AMPH: variants seen among roughly 807,000 people sequenced by gnomAD.
AMPH encodes amphiphysin.
A neutral mutation model predicts 99.1 loss-of-function variants in AMPH; 49 were observed. That is an observed-to-expected ratio of 0.49 (90% CI 0.39 to 0.63). AMPH has a LOEUF of 0.63. Among genes scored for constraint, AMPH ranks in the 20% least tolerant of loss-of-function variants. The probability of loss-of-function intolerance (pLI) is 0.00; values close to 1 mark genes in which losing one functional copy is unlikely to be tolerated. For synonymous variants in AMPH, 314 were observed against 317.3 expected (o/e 0.99, Z 0.11); for missense variants, 759 against 863.4 (o/e 0.88, Z 1.52).
intron 1 of AMPH, among the ~76,000 whole-genome samples, chr7:38,627,270 G>A (rs974236233): frequency 2.0e-5 from 3 of 151,818 alleles, no homozygotes; most frequent in Non-Finnish European, 4.4e-5. Context: ...GAGGCCGGGC[G>A]CGGTGGCTCG....
intron 2 of AMPH, among the ~76,000 whole-genome samples, chr7:38,514,640 G>C (rs1789668236): frequency 6.6e-6 from 1 of 152,150 alleles, no homozygotes; most frequent in Admixed American, 6.6e-5. Context: ...GTGGGCTCCT[G>C]GTATTAAAGA....
chr7:38,436,523 C>T lies in AMPH; in HGVS notation c.1018-135G>A, dbSNP rs558865491. On this transcript the variant is annotated intron_variant, in intron 11 of 20. Coordinates refer to ENST00000356264, the MANE Select transcript of AMPH (RefSeq NM_001635.4). The stretch of plus-strand genomic sequence containing the variant: ...AAACACACTTTTATAAGCATGGTGG[C>T]TCACCCATATGCACCCAGTCACTCA... The T allele has an allele frequency of 2.8e-5, 19 of 679,232 alleles. No homozygotes were observed. The African/African-American group carries it at 2.9e-4, about 10-fold the overall frequency. 42.1% of individuals were successfully genotyped at this position (679,232 alleles called of 1,614,324 possible).
At position 38,422,444 on chromosome 7, in the gene AMPH, C is replaced by T. The variant is rs769320049; in HGVS notation, c.1249G>A (p.Asp417Asn). Residue 417 changes from aspartate (D) to asparagine (N), a missense_variant, in exon 16 of 21, where the codon GAC (aspartate) becomes AAC (asparagine). Physicochemically the swap from Asp to Asn is conservative, Grantham distance 23. Coordinates refer to ENST00000356264, the MANE Select transcript of AMPH (RefSeq NM_001635.4). ...ACCAAGTTGCAGATCATACTCTGGT[C>T]TGTCTGCATTGTGAATAATGAAGTA... ...QDTSLFTMQT[D>N]QSMICNLAES... 6.2e-7 allele frequency: 1 copy of T among 1,613,620 alleles called. No individual in the cohort carries two copies. The highest frequency in any genetic ancestry group is 1.1e-5 in the South Asian group (1 of 91,002).
chr7:38,479,444 C>T (rs1052853665), intron 5 of AMPH, among the ~76,000 whole-genome samples: 1 of 151,804 alleles, frequency 6.6e-6, no homozygotes, highest in Admixed American at 6.6e-5. Context: ...TGGAGCTACA[C>T]AGAAAAATGA....
intron 15 of AMPH, among the ~76,000 whole-genome samples, chr7:38,424,476 G>A (rs757771446): frequency 8.5e-5 from 13 of 152,072 alleles, no homozygotes; most frequent in Non-Finnish European, 1.8e-4. Flanking sequence ...AACAAAAAGA[G>A]TTATTGGAAA....
chr7:38,448,309 A>G (rs1464738987), intron 11 of AMPH, among the ~76,000 whole-genome samples: 1 of 152,168 alleles, frequency 6.6e-6, no homozygotes, highest in Non-Finnish European at 1.5e-5. Flanking sequence ...GTTGCCAAGT[A>G]TTTGTTCCAC....
chr7:38,501,385 A>G (rs1445120293), intron 3 of AMPH, among the ~76,000 whole-genome samples: 2 of 152,010 alleles, frequency 1.3e-5, no homozygotes, highest in African/African-American at 4.8e-5. Context: ...GGGTTTTGCC[A>G]TGTTGCCCAG....
intron 17 of AMPH, among the ~76,000 whole-genome samples, chr7:38,394,715 T>C (rs545762973): frequency 5.7e-4 from 87 of 152,260 alleles, no homozygotes; most frequent in African/African-American, 2.0e-3. Flanking sequence ...ACTTCCTTCA[T>C]CTTATGTAAC....
Position 38,473,143 on chromosome 7 carries a change from C to G in AMPH, c.590+2188G>C, listed in dbSNP as rs1787946343. On this transcript the variant is annotated intron_variant, in intron 7 of 20. Coordinates refer to ENST00000356264, the MANE Select transcript of AMPH (RefSeq NM_001635.4). The stretch of plus-strand genomic sequence containing the variant: ...AGGGGTATTATCTCATAATTGAAAG[C>G]CTTGAACACTGTGGTACCCAAGACT... 2.6e-5 allele frequency among the ~76,000 whole-genome samples: 4 copies of G among 152,156 alleles called. No homozygotes were observed. In the South Asian group the frequency reaches 8.3e-4, roughly 31 times the overall value.
intron 18 of AMPH, among the ~76,000 whole-genome samples, chr7:38,392,892 C>T (rs1314029929): frequency 2.0e-5 from 3 of 152,172 alleles, no homozygotes; most frequent in East Asian, 3.9e-4. Flanking sequence ...CTGCTGTGGC[C>T]GCTGGAGGGA....
intron 1 of AMPH, among the ~76,000 whole-genome samples, chr7:38,544,549 G>C (rs1406358903): frequency 6.6e-6 from 1 of 152,214 alleles, no homozygotes; most frequent in East Asian, 1.9e-4. Context: ...GGGAGGAAGG[G>C]TCTCCTGGTT....
chr7:38,429,339 G>A, intron 14 of AMPH: 1 of 1,289,132 alleles, frequency 7.8e-7, no homozygotes, highest in Non-Finnish European at 1.0e-6. Context: ...GGGCCAGTCA[G>A]CAGACGAAAG....
chr7:38,626,633 G>A (rs1418497464), intron 1 of AMPH, among the ~76,000 whole-genome samples: 1 of 152,132 alleles, frequency 6.6e-6, no homozygotes, highest in Non-Finnish European at 1.5e-5. Flanking sequence ...ACATAGGCAT[G>A]GGCAAAGACT....
rs1584191398 is a variant in AMPH, at chr7:38,514,929, GT to G, written c.151-11226del. ...TGGGTAATGGATAGAGGATGGAAGA[GT>G]TTGGAGCAGGCTAAAAAGAGCATTT... On this transcript the variant is annotated intron_variant, in intron 2 of 20. Transcript: ENST00000356264. Among the ~76,000 whole-genome samples, 3 of 152,310 alleles carry G rather than the reference GT, an allele frequency of 2.0e-5. No homozygotes were observed. The East Asian group carries it at 5.8e-4, about 29-fold the overall frequency.
intron 1 of AMPH, among the ~76,000 whole-genome samples, chr7:38,547,395 A>G (rs1791030373): frequency 6.6e-6 from 1 of 152,116 alleles, no homozygotes; most frequent in Non-Finnish European, 1.5e-5. Flanking sequence ...AACGGTGCAG[A>G]AACAAACTGG....
At chr7:38,534,446 G>A (rs1051750695) in intron 2 of AMPH, among the ~76,000 whole-genome samples, 3 of 152,184 alleles carry the variant, frequency 2.0e-5, no homozygotes, top group Admixed American at 1.3e-4. Flanking sequence ...GCCTAGGTGG[G>A]TGGATCGCTC....
At chr7:38,388,778 T>C (rs990720261) in intron 20 of AMPH, among the ~76,000 whole-genome samples, 2 of 152,084 alleles carry the variant, frequency 1.3e-5, no homozygotes, top group African/African-American at 4.8e-5. Context: ...TAGCTAGGAC[T>C]ACAGGTGCAC....
At chr7:38,485,901 G>C (rs765766419) in intron 5 of AMPH, among the ~76,000 whole-genome samples, 15 of 151,938 alleles carry the variant, frequency 9.9e-5, no homozygotes, top group Non-Finnish European at 1.9e-4. Flanking sequence ...TATCAAAATG[G>C]ATATTAAAAA....
intron 11 of AMPH, among the ~76,000 whole-genome samples, chr7:38,441,054 G>A (rs1786486569): frequency 6.6e-6 from 1 of 151,746 alleles, no homozygotes; most frequent in South Asian, 2.1e-4. Context: ...ACACAAATAG[G>A]TTCAAAGTAA....
Sources: allele counts gnomAD v4.1 joint callset (sites outside exome capture counted in the v4.1 genomes callset), GRCh38; gene constraint gnomAD v4.1.1; transcripts MANE v1.5; gene names NCBI Gene and HGNC (gene_info 2026-07-23, HGNC 2026-07-21).